The following KLHL32 variants were observed in gnomAD, a reference collection of about 807,000 sequenced individuals.
KLHL32 encodes the protein kelch like family member 32.
A neutral mutation model predicts 64.8 loss-of-function variants in KLHL32; 35 were observed. That is an observed-to-expected ratio of 0.54 (90% confidence interval 0.41 to 0.72). The LOEUF (loss-of-function observed/expected upper bound fraction) is 0.72. Among genes scored for constraint, KLHL32 ranks in the 30% least tolerant of loss-of-function variants. KLHL32 has a pLI of 0.00. For synonymous variants in KLHL32, 259 were observed against 281.0 expected (o/e 0.92, Z 0.78); for missense variants, 589 against 768.5 (o/e 0.77, Z 2.76).
intron 3 of KLHL32, among the ~76,000 whole-genome samples, chr6:97,000,563 A>G (rs900702241): frequency 6.6e-6 from 1 of 152,240 alleles, no homozygotes; most frequent in African/African-American, 2.4e-5. Flanking sequence ...TCATTTTTAG[A>G]TAAAATTTAT....
At chr6:96,976,923 A>C (rs1207921877) in intron 3 of KLHL32, among the ~76,000 whole-genome samples, 1 of 152,134 alleles carries the variant, frequency 6.6e-6, no homozygotes, top group African/African-American at 2.4e-5. Context: ...ATGCTTTCTA[A>C]TTATTTGCTC....
At position 97,060,919 on chromosome 6, in the gene KLHL32, G is replaced by A. The variant is rs79528481; in HGVS notation, c.313-3709G>A. Reference sequence around the variant, plus strand: ...AATGAGTGTAGAGTTTCAGCATTTGGAATGGGAATCAGTCGTGGCCCTCTC... The same window carrying A: ...AATGAGTGTAGAGTTTCAGCATTTGAAATGGGAATCAGTCGTGGCCCTCTC... On this transcript the variant is annotated intron_variant, in intron 4 of 10. Coordinates refer to ENST00000369261, the MANE Select transcript of KLHL32 (RefSeq NM_052904.4). 5.2e-3 allele frequency among the ~76,000 whole-genome samples: 784 copies of A among 152,224 alleles called. 3 individuals carry two copies. Among genetic ancestry groups the A allele is most frequent in the Non-Finnish European group, 7.6e-3 (515 of 68,016 alleles).
intron 1 of KLHL32, among the ~76,000 whole-genome samples, chr6:96,936,756 A>C (rs1362772639): frequency 1.3e-5 from 2 of 152,130 alleles, no homozygotes; most frequent in Non-Finnish European, 2.9e-5. Context: ...AGCAGCTTCC[A>C]TCCCAAGAAC....
the KLHL32 span, among the ~76,000 whole-genome samples, chr6:96,907,705 G>A: frequency 1.3e-5 from 2 of 152,048 alleles, no homozygotes; most frequent in African/African-American, 4.8e-5. Flanking sequence ...AACTTAACTC[G>A]CCCAGCTCAT....
intron 3 of KLHL32, among the ~76,000 whole-genome samples, chr6:96,995,938 A>T (rs1459436057): frequency 6.6e-6 from 1 of 152,236 alleles, no homozygotes. Context: ...AACACTAGTG[A>T]AGTCCACCAA....
chr6:97,112,276 C>G (rs1403373384), intron 6 of KLHL32, among the ~76,000 whole-genome samples: 1 of 152,220 alleles, frequency 6.6e-6, no homozygotes, highest in East Asian at 1.9e-4. Flanking sequence ...TCTGGGAGAT[C>G]TACTTTAATG....
At chr6:96,914,524 G>A in the KLHL32 span, among the ~76,000 whole-genome samples, 1 of 151,898 alleles carries the variant, frequency 6.6e-6, no homozygotes, top group African/African-American at 2.4e-5. Context: ...CTGCACTATC[G>A]CCCTTTTAGC....
intron 5 of KLHL32, among the ~76,000 whole-genome samples, chr6:97,080,863 G>A (rs1299104438): frequency 6.6e-6 from 1 of 152,038 alleles, no homozygotes; most frequent in Non-Finnish European, 1.5e-5. Flanking sequence ...TGTGATTGAC[G>A]GTGACATGGA....
At chr6:96,948,330 T>C (rs1377422398) in intron 1 of KLHL32, among the ~76,000 whole-genome samples, 2 of 152,100 alleles carry the variant, frequency 1.3e-5, no homozygotes, top group Non-Finnish European at 2.9e-5. Flanking sequence ...TATCCTCTGC[T>C]TGGTAGATCA....
intron 5 of KLHL32, among the ~76,000 whole-genome samples, chr6:97,073,711 A>G (rs764983800): frequency 5.3e-4 from 81 of 152,328 alleles, no homozygotes; most frequent in Non-Finnish European, 1.0e-3. Context: ...ACTAGGGAAC[A>G]TAAAAACTGT....
intron 3 of KLHL32, among the ~76,000 whole-genome samples, chr6:97,033,574 C>A (rs1783882543): frequency 6.6e-6 from 1 of 152,020 alleles, no homozygotes; most frequent in African/African-American, 2.4e-5. Flanking sequence ...TAAGCTAGTT[C>A]TTTTTAAATT....
chr6:97,085,315 T>C lies in KLHL32; in HGVS notation c.601T>C (p.Ser201Pro). 6.2e-7 allele frequency: 1 copy of C among 1,612,852 alleles called. No homozygotes were observed. The highest frequency in any genetic ancestry group is 8.5e-7 in the Non-Finnish European group (1 of 1,180,008). ...GGTGCTGAAGAGCGACCGCCTGACC[T>C]CCCTGAGTGAAGAGCAGATCTGGCA... ...QEVLKSDRLTSLSEEQIWQLA... is the reference protein window; with the variant it reads ...QEVLKSDRLTPLSEEQIWQLA... Residue 201 changes from serine (S) to proline (P), a missense_variant, in exon 6 of 11, where the codon TCC becomes CCC. Physicochemically the swap from Ser to Pro is moderately conservative, Grantham distance 74. This residue lies in a region of KLHL32 where 226 missense variants were observed against 353.2 expected (regional missense o/e 0.64). Transcript: ENST00000369261.
Position 97,134,120 on chromosome 6 carries a change from C to A in KLHL32, c.1701+1373C>A, listed in dbSNP as rs116627551. ...ATTCCCAGAACTGTGATAATAAAAA[C>A]AATATACAGCAAAGCTTGTGAGATA... On this transcript the variant is annotated intron_variant, in intron 10 of 10. Transcript: ENST00000369261. 9.4e-3 allele frequency among the ~76,000 whole-genome samples: 1,421 copies of A among 151,802 alleles called. 21 individuals are homozygous for A. Among genetic ancestry groups the A allele is most frequent in the African/African-American group, 0.031 (1,295 of 41,384 alleles).
Position 97,053,718 on chromosome 6 carries a change from TG to T in KLHL32, c.313-10909del, listed in dbSNP as rs1280831380. On this transcript the variant is annotated intron_variant, in intron 4 of 10. Coordinates refer to ENST00000369261, the MANE Select transcript of KLHL32 (RefSeq NM_052904.4). ...GAATTAGGTAAGATATAAGTACATT[TG>T]TTTTTTTTAATTTATATACTATGCA... Among the ~76,000 whole-genome samples, 7 of 152,008 alleles carry T rather than the reference TG, an allele frequency of 4.6e-5. No individual in the cohort carries two copies. The East Asian group carries it at 1.2e-3, about 25-fold the overall frequency.
At chr6:97,017,617 G>A (rs1048523968) in intron 3 of KLHL32, among the ~76,000 whole-genome samples, 2 of 152,176 alleles carry the variant, frequency 1.3e-5, no homozygotes, top group Admixed American at 6.5e-5. Flanking sequence ...AGACTATTCT[G>A]GAAATTATAG....
At chr6:97,081,578 T>C (rs1022753545) in intron 5 of KLHL32, among the ~76,000 whole-genome samples, 2 of 152,184 alleles carry the variant, frequency 1.3e-5, no homozygotes, top group African/African-American at 4.8e-5. Context: ...AGGATGCTCT[T>C]CCTTCAACTC....
intron 10 of KLHL32, among the ~76,000 whole-genome samples, chr6:97,138,567 AAAAACAAAC>A (rs1800323462): frequency 6.6e-6 from 1 of 152,046 alleles, no homozygotes; most frequent in Non-Finnish European, 1.5e-5. Context: ...AAAAAACCCC[AAAAACAAAC>A]AAAACAAACA....
At chr6:96,904,356 A>G in the KLHL32 span, among the ~76,000 whole-genome samples, 156 of 149,618 alleles carry the variant, frequency 1.0e-3, no homozygotes, top group East Asian at 0.02. Context: ...AAAAAAAAAA[A>G]AAAGAAAAGA....
chr6:97,021,505 A>G (rs890077727), intron 3 of KLHL32, among the ~76,000 whole-genome samples: 1 of 150,750 alleles, frequency 6.6e-6, no homozygotes, highest in Non-Finnish European at 1.5e-5. Context: ...GATTCTATTC[A>G]GGCTTTCAGT....
Sources: gnomAD v4.1 joint callset for allele counts (sites outside exome capture counted in the v4.1 genomes callset) on GRCh38, gnomAD v4.1.1 for gene constraint, gnomAD v4.1.1 regional missense constraint, MANE v1.5 for transcripts, NCBI Gene and HGNC (gene_info 2026-07-23, HGNC 2026-07-21) for gene names.